The following HCRTR2 variants were observed in gnomAD, a reference collection of about 807,000 sequenced individuals.
HCRTR2 encodes orexin receptor type 2.
HCRTR2 carries 22 observed loss-of-function variants against 49.0 expected under a neutral mutation model. The observed-to-expected ratio is 0.45, with a 90% CI of 0.32 to 0.64. The LOEUF (loss-of-function observed/expected upper bound fraction) is 0.64. Among genes scored for constraint, HCRTR2 ranks in the 30% least tolerant of loss-of-function variants. HCRTR2 has a pLI of 0.04. For synonymous variants in HCRTR2, 236 were observed against 205.3 expected, an observed-to-expected ratio of 1.15 and a Z score of -1.28; for missense variants, 491 against 559.4, an observed-to-expected ratio of 0.88 and a Z score of 1.23.
At chr6:55,145,661 C>A (rs984444238) in intron 1 of HCRTR2, among the ~76,000 whole-genome samples, 2 of 151,952 alleles carry the variant, frequency 1.3e-5, no homozygotes, top group African/African-American at 4.8e-5. Flanking sequence ...GTGATCTGCC[C>A]GCCTTGGCCT....
At chr6:55,214,215 G>A (rs967694514) in intron 1 of HCRTR2, among the ~76,000 whole-genome samples, 3 of 152,100 alleles carry the variant, frequency 2.0e-5, no homozygotes, top group African/African-American at 7.2e-5. Context: ...GTACAGATAA[G>A]ATGAATTTGC....
intron 1 of HCRTR2, among the ~76,000 whole-genome samples, chr6:55,245,003 A>G (rs1766404313): frequency 6.6e-6 from 1 of 151,836 alleles, no homozygotes; most frequent in South Asian, 2.1e-4. Flanking sequence ...GTTTTCTATT[A>G]TGTTCTATTG....
chr6:55,159,833 A>G (rs1764780761), intron 1 of HCRTR2, among the ~76,000 whole-genome samples: 1 of 152,338 alleles, frequency 6.6e-6, no homozygotes, highest in South Asian at 2.1e-4. Context: ...AAATATGGGA[A>G]TATGTGAAAA....
intron 1 of HCRTR2, among the ~76,000 whole-genome samples, chr6:55,233,199 C>G (rs904471764): frequency 5.3e-5 from 8 of 151,982 alleles, no homozygotes; most frequent in African/African-American, 1.9e-4. Flanking sequence ...AGTGATTCTC[C>G]TGCCTCGGCA....
chr6:55,262,457 T>C (rs1168485117), intron 3 of HCRTR2, among the ~76,000 whole-genome samples: 2 of 132,416 alleles, frequency 1.5e-5, no homozygotes, highest in African/African-American at 2.8e-5. Flanking sequence ...TATATATTAT[T>C]TATATTATAT....
At chr6:55,183,147 A>G (rs1246078167) in intron 1 of HCRTR2, among the ~76,000 whole-genome samples, 1 of 152,226 alleles carries the variant, frequency 6.6e-6, no homozygotes, top group African/African-American at 2.4e-5. Flanking sequence ...ACACATAAAC[A>G]CATACTTTTA....
intron 1 of HCRTR2, among the ~76,000 whole-genome samples, chr6:55,209,821 T>G (rs9475197): frequency 0.028 from 4,238 of 152,252 alleles, 190 homozygotes; most frequent in African/African-American, 0.097. Flanking sequence ...CTGCTTTTTG[T>G]TTCAGGTTGT....
Position 55,248,567 on chromosome 6 carries a change from A to C in HCRTR2, c.224-72A>C. On this transcript the variant is annotated intron_variant, in intron 1 of 6. Coordinates refer to ENST00000370862, the MANE Select transcript of HCRTR2 (RefSeq NM_001384272.1). ...ATACATATTTGTGGACTTTATAGAA[A>C]TACTGACAGTGTTTCCTCACCAATA... 4 of 1,214,462 alleles carry C rather than the reference A, an allele frequency of 3.3e-6. No individual in the cohort carries two copies. The South Asian group carries it at 4.8e-5, about 15-fold the overall frequency. The allele number at this position is 1,214,462 out of a possible 1,614,324, so 75.2% of individuals were successfully genotyped here.
At chr6:55,162,754 C>T (rs1467983822) in intron 1 of HCRTR2, among the ~76,000 whole-genome samples, 2 of 152,028 alleles carry the variant, frequency 1.3e-5, no homozygotes, top group African/African-American at 2.4e-5. Flanking sequence ...AGGAATACAA[C>T]TTACAAGGGA....
At chr6:55,246,434 A>G (rs1368396055) in intron 1 of HCRTR2, among the ~76,000 whole-genome samples, 1 of 151,988 alleles carries the variant, frequency 6.6e-6, no homozygotes, top group Non-Finnish European at 1.5e-5. Context: ...CAGGTTTTAA[A>G]TTACCTGGTA....
chr6:55,245,469 T>TTGTATATATATA (rs1766418232), intron 1 of HCRTR2, among the ~76,000 whole-genome samples: 2 of 56,800 alleles, frequency 3.5e-5, no homozygotes, highest in African/African-American at 1.1e-4. Context: ...TAGGAAGATT[T>TTGTATATATATA]TATATATATA....
intron 1 of HCRTR2, among the ~76,000 whole-genome samples, chr6:55,148,854 A>G (rs1764628147): frequency 6.6e-6 from 1 of 152,158 alleles, no homozygotes; most frequent in African/African-American, 2.4e-5. Flanking sequence ...AAGAACCAGC[A>G]TTTTACAGGT....
chr6:55,160,974 C>G (rs1008654163), intron 1 of HCRTR2, among the ~76,000 whole-genome samples: 1 of 152,050 alleles, frequency 6.6e-6, no homozygotes, highest in Non-Finnish European at 1.5e-5. Context: ...AGCTCTGGAC[C>G]AAGCAGGCCT....
intron 6 of HCRTR2, 125 bp from the exon 7 acceptor site, chr6:55,282,100 T>A: frequency 2.9e-6 from 2 of 700,580 alleles, no homozygotes; most frequent in South Asian, 3.2e-5. Flanking sequence ...ATTTTACCCA[T>A]CTTTGCAAAA....
intron 1 of HCRTR2, among the ~76,000 whole-genome samples, chr6:55,126,298 T>A (rs182380122): frequency 2.6e-5 from 4 of 152,228 alleles, no homozygotes; most frequent in South Asian, 4.2e-4. Context: ...TTGAATGGAG[T>A]CTTTGAGTGA....
chr6:55,166,782 C>CA (rs967609905), intron 1 of HCRTR2, among the ~76,000 whole-genome samples: 1 of 151,690 alleles, frequency 6.6e-6, no homozygotes, highest in Non-Finnish European at 1.5e-5. Context: ...ATATAATTGG[C>CA]AAAAAATGGA....
chr6:55,276,647 A>G (rs1767081558), intron 4 of HCRTR2, among the ~76,000 whole-genome samples: 1 of 152,194 alleles, frequency 6.6e-6, no homozygotes, highest in Non-Finnish European at 1.5e-5. Flanking sequence ...TGCTATTATC[A>G]AATAACTTTG....
chr6:55,212,316 C>A (rs1291447553), intron 1 of HCRTR2, among the ~76,000 whole-genome samples: 1 of 152,102 alleles, frequency 6.6e-6, no homozygotes, highest in Non-Finnish European at 1.5e-5. Flanking sequence ...ACATTCCATT[C>A]CCCCTTTTTT....
intron 1 of HCRTR2, among the ~76,000 whole-genome samples, chr6:55,226,876 G>A (rs376735861): frequency 2.2e-4 from 33 of 151,804 alleles, no homozygotes; most frequent in Admixed American, 5.9e-4. Context: ...CCGCCACCAC[G>A]CCCGGCTAAT....
Sources: gnomAD v4.1 joint callset for allele counts (sites outside exome capture counted in the v4.1 genomes callset) on GRCh38, gnomAD v4.1.1 for gene constraint, MANE v1.5 for transcripts, NCBI Gene and HGNC (gene_info 2026-07-23, HGNC 2026-07-21) for gene names.